RGS6: variants seen among roughly 807,000 people sequenced by gnomAD.
RGS6 encodes the protein regulator of G-protein signaling 6.
RGS6 carries 30 observed loss-of-function variants against 78.5 expected under a neutral mutation model. The ratio of observed to expected loss-of-function variants is 0.38; its 90% CI spans 0.29 to 0.52. The LOEUF is 0.52. Among genes scored for constraint, RGS6 ranks in the 20% least tolerant of loss-of-function variants. The probability of loss-of-function intolerance (pLI) is 0.85; values close to 1 mark genes in which losing one functional copy is unlikely to be tolerated. For missense variants in RGS6, 495 were observed against 609.7 expected, an observed-to-expected ratio of 0.81 and a Z score of 1.98; for synonymous variants, 206 against 206.0, an observed-to-expected ratio of 1.00 and a Z score of 0.00.
At chr14:72,331,248 CAAA>C (rs55899915) in intron 2 of RGS6, among the ~76,000 whole-genome samples, 437 of 128,618 alleles carry the variant, frequency 3.4e-3, no homozygotes, top group Non-Finnish European at 4.0e-3. Context: ...CCCTGTCGTT[CAAA>C]AAAAAAAAAA....
At chr14:72,506,779 C>G (rs2096806303) in intron 13 of RGS6, among the ~76,000 whole-genome samples, 1 of 151,988 alleles carries the variant, frequency 6.6e-6, no homozygotes, top group Non-Finnish European at 1.5e-5. Flanking sequence ...AGAGTTGTTG[C>G]AGATGCAGTT....
At chr14:71,893,014 CT>C in the RGS6 span, among the ~76,000 whole-genome samples, 1 of 152,264 alleles carries the variant, frequency 6.6e-6, no homozygotes, top group Non-Finnish European at 1.5e-5. Context: ...CTGTAATTTA[CT>C]TTTAAAACGT....
chr14:72,327,702 G>T (rs1388220663), intron 2 of RGS6, among the ~76,000 whole-genome samples: 2 of 152,164 alleles, frequency 1.3e-5, no homozygotes, highest in East Asian at 3.9e-4. Flanking sequence ...TTATGTATTG[G>T]CTGTGGACTT....
chr14:72,047,773 G>A (rs2092956847), intron 2 of RGS6, among the ~76,000 whole-genome samples: 2 of 151,890 alleles, frequency 1.3e-5, no homozygotes, highest in Non-Finnish European at 2.9e-5. Flanking sequence ...TGTCACCCAG[G>A]CTGGACTGCA....
intron 2 of RGS6, among the ~76,000 whole-genome samples, chr14:72,251,580 A>G (rs2055793116): frequency 6.6e-6 from 1 of 152,216 alleles, no homozygotes; most frequent in Non-Finnish European, 1.5e-5. Flanking sequence ...AGGCCTGTCC[A>G]GAGATTTGAA....
chr14:72,289,092 A>G (rs2048715858), intron 2 of RGS6, among the ~76,000 whole-genome samples: 1 of 152,236 alleles, frequency 6.6e-6, no homozygotes, highest in Non-Finnish European at 1.5e-5. Flanking sequence ...ATAGTTTCTG[A>G]TAACAGTCTT....
intron 2 of RGS6, among the ~76,000 whole-genome samples, chr14:72,294,219 G>C (rs2064230373): frequency 6.6e-6 from 1 of 152,212 alleles, no homozygotes; most frequent in African/African-American, 2.4e-5. Flanking sequence ...AGAGGGACCT[G>C]ATTTTCCTGT....
intron 2 of RGS6, among the ~76,000 whole-genome samples, chr14:72,346,606 CAG>C (rs2078110717): frequency 6.6e-6 from 1 of 152,212 alleles, no homozygotes; most frequent in South Asian, 2.1e-4. Flanking sequence ...CCCTTGCAGA[CAG>C]AGTTTTACTT....
intron 2 of RGS6, among the ~76,000 whole-genome samples, chr14:72,204,766 G>A (rs2042336064): frequency 6.6e-6 from 1 of 152,182 alleles, no homozygotes; most frequent in Non-Finnish European, 1.5e-5. Context: ...ACCTCCTAAT[G>A]CCATGGCCTA....
intron 2 of RGS6, among the ~76,000 whole-genome samples, chr14:72,194,748 T>C (rs1405987993): frequency 6.6e-6 from 1 of 152,130 alleles, no homozygotes; most frequent in East Asian, 1.9e-4. Context: ...ATATTTGTTA[T>C]GGTAAAAAGA....
chr14:72,259,057 G>A lies in RGS6; in HGVS notation c.85-93038G>A, dbSNP rs2057624572. Among the ~76,000 whole-genome samples, 7 of 152,136 alleles carry A rather than the reference G, an allele frequency of 4.6e-5. No homozygotes were observed. In the South Asian group the frequency reaches 1.5e-3, roughly 32 times the overall value. On this transcript the variant is annotated intron_variant, in intron 2 of 17. Coordinates refer to ENST00000553525, the MANE Select transcript of RGS6 (RefSeq NM_001204424.2). Reference sequence around the variant, plus strand: ...ACTTAACAGAGAGAGACCACCCTCAGGGGTCTGCAAAAGAGGACATTGCAT... The same window carrying A: ...ACTTAACAGAGAGAGACCACCCTCAAGGGTCTGCAAAAGAGGACATTGCAT...
At chr14:72,381,313 CAAAA>C (rs946462463) in intron 3 of RGS6, among the ~76,000 whole-genome samples, 3 of 151,680 alleles carry the variant, frequency 2.0e-5, no homozygotes, top group Non-Finnish European at 4.4e-5. Context: ...GTTTTCAACA[CAAAA>C]AAAGATAAAT....
At chr14:72,414,340 C>T (rs1394718983) in intron 3 of RGS6, among the ~76,000 whole-genome samples, 1 of 152,228 alleles carries the variant, frequency 6.6e-6, no homozygotes, top group Non-Finnish European at 1.5e-5. Flanking sequence ...GATATCCTTT[C>T]TTCCAGTTGA....
chr14:72,293,551 C>A (rs1377202220), intron 2 of RGS6, among the ~76,000 whole-genome samples: 1 of 151,850 alleles, frequency 6.6e-6, no homozygotes, highest in Non-Finnish European at 1.5e-5. Context: ...TAAATAGAAA[C>A]AAAATTCCAT....
chr14:72,308,539 T>A (rs1462089287), intron 2 of RGS6, among the ~76,000 whole-genome samples: 1 of 152,206 alleles, frequency 6.6e-6, no homozygotes, highest in African/African-American at 2.4e-5. Context: ...CATCTAGTCA[T>A]CCTCAGAACT....
At position 72,476,751 on chromosome 14, in the gene RGS6, G is replaced by A. The variant is rs1203705652; in HGVS notation, c.703G>A (p.Gly235Ser). 1 of 1,613,980 alleles carries A rather than the reference G, an allele frequency of 6.2e-7. No homozygotes were observed. Among genetic ancestry groups the A allele is most frequent in the East Asian group, 2.2e-5 (1 of 44,886 alleles). The change falls in exon 11 of 18, where the codon GGC becomes AGC. Residue 235 changes from glycine to serine, a missense_variant. By Grantham distance (56) the Gly-to-Ser change is moderately conservative. Transcript: ENST00000553525. ...NPQKVKKSVY[G>S]VTEESQAQSP... ...TTGCTTCTTCTCCTAGTCCGTGTATGGCGTGACTGAAGAGTCCCAGGCACA... is the reference window on the plus strand; with the variant it reads ...TTGCTTCTTCTCCTAGTCCGTGTATAGCGTGACTGAAGAGTCCCAGGCACA...
intron 3 of RGS6, among the ~76,000 whole-genome samples, chr14:72,450,659 CTAAGA>C (rs1415132483): frequency 1.3e-5 from 2 of 152,078 alleles, no homozygotes; most frequent in South Asian, 2.1e-4. Flanking sequence ...AGCAGCTTGA[CTAAGA>C]TAAGATCCAG....
chr14:72,454,462 A>G (rs2095578364), intron 3 of RGS6, 66 bp from the exon 4 acceptor site: 2 of 1,480,556 alleles, frequency 1.4e-6, no homozygotes, highest in African/African-American at 1.4e-5. Context: ...TTAGGTAAAC[A>G]TGTTTCTTCT....
At chr14:72,091,252 G>A (rs1376314438) in intron 2 of RGS6, among the ~76,000 whole-genome samples, 1 of 152,132 alleles carries the variant, frequency 6.6e-6, no homozygotes, top group Non-Finnish European at 1.5e-5. Context: ...ATTGGCCCCT[G>A]CCTTTGCTTA....
Sources: gnomAD v4.1 joint callset for allele counts (sites outside exome capture counted in the v4.1 genomes callset) on GRCh38, gnomAD v4.1.1 for gene constraint, MANE v1.5 for transcripts, NCBI Gene and HGNC (gene_info 2026-07-23, HGNC 2026-07-21) for gene names.